The following EXOC6B variants were observed in gnomAD, a reference collection of about 807,000 sequenced individuals.
EXOC6B encodes the protein exocyst complex component 6B.
In EXOC6B, 54 loss-of-function variants were observed where a neutral mutation model predicts 113.5. That is an observed-to-expected ratio of 0.48 (90% confidence interval 0.38 to 0.60). The LOEUF (loss-of-function observed/expected upper bound fraction) is 0.60, where lower values mean the gene tolerates loss of function less well. Among genes scored for constraint, EXOC6B ranks in the 20% least tolerant of loss-of-function variants. The pLI is 0.00. For synonymous variants in EXOC6B, 357 were observed against 339.0 expected, an observed-to-expected ratio of 1.05 and a Z score of -0.58; for missense variants, 797 against 977.5, an observed-to-expected ratio of 0.82 and a Z score of 2.46.
intron 18 of EXOC6B, among the ~76,000 whole-genome samples, chr2:72,440,253 T>G (rs1162423454): frequency 1.3e-5 from 2 of 152,038 alleles, no homozygotes; most frequent in African/African-American, 4.8e-5. Flanking sequence ...GCTTTGGTTC[T>G]CCAGGGTCGT....
chr2:72,379,599 T>G, intron 19 of EXOC6B, 130 bp downstream of exon 19: 3 of 828,238 alleles, frequency 3.6e-6, no homozygotes, highest in Non-Finnish European at 5.3e-6. Context: ...TTCTATAAGT[T>G]ATCTCTGTTA....
At chr2:72,539,458 G>A (rs1366387310) in intron 8 of EXOC6B, among the ~76,000 whole-genome samples, 1 of 152,264 alleles carries the variant, frequency 6.6e-6, no homozygotes, top group East Asian at 1.9e-4. Flanking sequence ...ACTAAACAAG[G>A]TACCCTGTGT....
intron 6 of EXOC6B, among the ~76,000 whole-genome samples, chr2:72,674,655 C>G (rs1380409467): frequency 1.3e-5 from 2 of 151,858 alleles, no homozygotes; most frequent in African/African-American, 4.8e-5. Context: ...CATGGTGAAA[C>G]CCCGTCTCTA....
chr2:72,369,119 C>T (rs370185863), intron 19 of EXOC6B, among the ~76,000 whole-genome samples: 3 of 152,140 alleles, frequency 2.0e-5, no homozygotes, highest in African/African-American at 4.8e-5. Context: ...GAAAACCCCA[C>T]TGTCTCAGCC....
intron 6 of EXOC6B, among the ~76,000 whole-genome samples, chr2:72,631,374 A>C (rs1672380606): frequency 6.7e-6 from 1 of 149,092 alleles, no homozygotes. Flanking sequence ...CATCCTACAT[A>C]TATATATGGA....
At chr2:72,241,244 G>C (rs1682291005) in intron 20 of EXOC6B, among the ~76,000 whole-genome samples, 1 of 152,170 alleles carries the variant, frequency 6.6e-6, no homozygotes, top group Non-Finnish European at 1.5e-5. Flanking sequence ...GAATGCCTTT[G>C]ATGGGGTCCT....
intron 20 of EXOC6B, among the ~76,000 whole-genome samples, chr2:72,281,481 C>T (rs1016104902): frequency 6.6e-6 from 1 of 151,762 alleles, no homozygotes; most frequent in Non-Finnish European, 1.5e-5. Context: ...TAAATTCTAG[C>T]TCTGAAAAAA....
intron 8 of EXOC6B, among the ~76,000 whole-genome samples, chr2:72,521,782 C>T (rs781354950): frequency 8.5e-5 from 13 of 152,168 alleles, no homozygotes; most frequent in African/African-American, 2.6e-4. Flanking sequence ...CTGCAACCTC[C>T]GCCTCCCGGG....
At chr2:72,337,969 C>G (rs1688786992) in intron 19 of EXOC6B, among the ~76,000 whole-genome samples, 1 of 152,054 alleles carries the variant, frequency 6.6e-6, no homozygotes. Flanking sequence ...CTCTTCACTG[C>G]CAATGAAAAT....
intron 6 of EXOC6B, among the ~76,000 whole-genome samples, chr2:72,631,795 C>T (rs893366738): frequency 3.3e-5 from 5 of 152,168 alleles, no homozygotes; most frequent in South Asian, 2.1e-4. Context: ...TGAGCCACCA[C>T]GCCTGGCCCA....
intron 6 of EXOC6B, among the ~76,000 whole-genome samples, chr2:72,652,509 T>G (rs1177896555): frequency 6.6e-6 from 1 of 152,008 alleles, no homozygotes; most frequent in African/African-American, 2.4e-5. Flanking sequence ...CTCTGTATAT[T>G]GATTATTAAC....
chr2:72,427,597 A>C (rs1695275911), intron 18 of EXOC6B, among the ~76,000 whole-genome samples: 1 of 152,132 alleles, frequency 6.6e-6, no homozygotes, highest in East Asian at 1.9e-4. Flanking sequence ...ACCAACAAGC[A>C]TTGTGGGGAA....
chr2:72,723,741 TA>T (rs538661620), intron 5 of EXOC6B, among the ~76,000 whole-genome samples: 9,452 of 108,324 alleles, frequency 0.087, 880 homozygotes, highest in African/African-American at 0.26. Context: ...ATTTATAGCT[TA>T]AAAAAAAAAA....
chr2:72,589,813 T>C (rs960287272), intron 6 of EXOC6B, among the ~76,000 whole-genome samples: 4 of 151,552 alleles, frequency 2.6e-5, no homozygotes, highest in South Asian at 2.1e-4. Flanking sequence ...TATAACTTAG[T>C]TGACATGGCA....
chr2:72,703,056 G>C (rs1573652417), intron 6 of EXOC6B, among the ~76,000 whole-genome samples: 1 of 146,124 alleles, frequency 6.8e-6, no homozygotes. Flanking sequence ...ATGGTTTTAG[G>C]TCTAACGTTT....
In EXOC6B at chr2:72,513,253, C is replaced by T; in HGVS notation, c.1047-1G>A. 1 of 1,612,142 alleles carries T rather than the reference C, an allele frequency of 6.2e-7. No homozygotes were observed. Among genetic ancestry groups the T allele is most frequent in the Non-Finnish European group, 8.5e-7 (1 of 1,178,872 alleles). ...AATGTGATCTTCAACCACAAAAAAG[C>T]TAAGATTGAGGAAAAAAGAAAGCAC... On this transcript the variant is annotated splice_acceptor_variant, in intron 10 of 21. Transcript: ENST00000272427. LOFTEE classifies it high-confidence loss of function.
chr2:72,451,896 G>T (rs72845111), intron 18 of EXOC6B, among the ~76,000 whole-genome samples: 7,348 of 152,036 alleles, frequency 0.048, 274 homozygotes, highest in Middle Eastern at 0.12. Context: ...TAAAATTGTG[G>T]CTATAGACTA....
intron 6 of EXOC6B, among the ~76,000 whole-genome samples, chr2:72,671,779 G>GAAAGAAAGAAAGAAAGAAAGAA (rs1675850682): frequency 3.9e-5 from 4 of 103,490 alleles, no homozygotes; most frequent in African/African-American, 1.9e-4. Context: ...AAGAAAGAAA[G>GAAAGAAAGAAAGAAAGAAAGAA]AAAGAAAGAA....
intron 8 of EXOC6B, among the ~76,000 whole-genome samples, chr2:72,542,084 T>C (rs1702635319): frequency 1.3e-5 from 2 of 152,230 alleles, no homozygotes; most frequent in African/African-American, 4.8e-5. Context: ...CAACAAACTA[T>C]ACTAACCTCA....
Sources: gnomAD v4.1 joint callset for allele counts (sites outside exome capture counted in the v4.1 genomes callset) on GRCh38, gnomAD v4.1.1 for gene constraint, MANE v1.5 for transcripts, NCBI Gene and HGNC (gene_info 2026-07-23, HGNC 2026-07-21) for gene names.